Variants in HCN1 observed in about 807,000 individuals in gnomAD.
HCN1 encodes potassium/sodium hyperpolarization-activated cyclic nucleotide-gated channel 1.
A neutral mutation model predicts 78.9 loss-of-function variants in HCN1; 13 were observed. The ratio of observed to expected loss-of-function variants is 0.16; its 90% CI spans 0.11 to 0.26. HCN1 has a LOEUF of 0.26. HCN1 is among the 10% of genes least tolerant of loss of function. The pLI is 1.00. For synonymous variants in HCN1, 552 were observed against 455.5 expected (o/e 1.21, Z -2.70); for missense variants, 810 against 1,154.3 (o/e 0.70, Z 4.32).
intron 5 of HCN1, among the ~76,000 whole-genome samples, chr5:45,341,223 A>T (rs1746573581): frequency 6.6e-6 from 1 of 152,220 alleles, no homozygotes; most frequent in Admixed American, 6.5e-5. Context: ...CCATAACAGC[A>T]GATCATCTGC....
chr5:45,539,919 G>GATATAGAT (rs1554031760), intron 2 of HCN1, among the ~76,000 whole-genome samples: 2 of 126,106 alleles, frequency 1.6e-5, no homozygotes, highest in African/African-American at 6.7e-5. Flanking sequence ...TAAATTGTGA[G>GATATAGAT]ATATATATAT....
intron 2 of HCN1, among the ~76,000 whole-genome samples, chr5:45,511,633 C>T (rs1742417942): frequency 6.6e-6 from 1 of 152,080 alleles, no homozygotes; most frequent in South Asian, 2.1e-4. Context: ...TTTTATATAA[C>T]AGCTTCTTCA....
intron 2 of HCN1, among the ~76,000 whole-genome samples, chr5:45,578,363 A>C (rs959584203): frequency 1.3e-5 from 2 of 152,014 alleles, no homozygotes; most frequent in African/African-American, 4.8e-5. Flanking sequence ...CAGGCTTGAC[A>C]GTGAAATATG....
intron 2 of HCN1, among the ~76,000 whole-genome samples, chr5:45,569,382 C>T (rs1472792122): frequency 6.6e-6 from 1 of 152,026 alleles, no homozygotes; most frequent in East Asian, 1.9e-4. Context: ...AAAGGTTTTA[C>T]CCATGTAGAA....
intron 2 of HCN1, among the ~76,000 whole-genome samples, chr5:45,505,069 T>C (rs1401007423): frequency 1.3e-5 from 2 of 152,240 alleles, no homozygotes; most frequent in African/African-American, 2.4e-5. Flanking sequence ...ACTCTGATGG[T>C]AGTTTCTTTT....
At chr5:45,618,665 A>G (rs545572829) in intron 2 of HCN1, among the ~76,000 whole-genome samples, 1 of 152,168 alleles carries the variant, frequency 6.6e-6, no homozygotes, top group East Asian at 1.9e-4. Flanking sequence ...AACATTAATG[A>G]CTCAAGTCTA....
At chr5:45,642,257 C>G (rs1745470791) in intron 2 of HCN1, 1 of 152,150 alleles carries the variant, frequency 6.6e-6, no homozygotes, top group African/African-American at 2.4e-5. Context: ...TCCCTCCTCA[C>G]TTCTTAACAC....
intron 2 of HCN1, among the ~76,000 whole-genome samples, chr5:45,562,533 C>A (rs941890071): frequency 3.7e-5 from 3 of 80,692 alleles, no homozygotes; most frequent in African/African-American, 2.0e-4. Context: ...AACAAAAAAC[C>A]CTTAGGTAAA....
At chr5:45,271,987 T>G (rs1041720371) in intron 6 of HCN1, among the ~76,000 whole-genome samples, 1 of 152,114 alleles carries the variant, frequency 6.6e-6, no homozygotes, top group Non-Finnish European at 1.5e-5. Flanking sequence ...TTAAGAAGTA[T>G]GAAAAACACT....
chr5:45,400,969 T>G (rs1739785690), intron 3 of HCN1, among the ~76,000 whole-genome samples: 1 of 152,174 alleles, frequency 6.6e-6, no homozygotes. Flanking sequence ...AATCTGTTGT[T>G]CACATAACTA....
chr5:45,665,417 G>A (rs1374292988), intron 1 of HCN1, among the ~76,000 whole-genome samples: 2 of 151,718 alleles, frequency 1.3e-5, no homozygotes, highest in Admixed American at 6.6e-5. Flanking sequence ...CCTGCACATT[G>A]TGCACATGTA....
At chr5:45,310,640 T>C (rs1054084797) in intron 5 of HCN1, among the ~76,000 whole-genome samples, 1 of 152,128 alleles carries the variant, frequency 6.6e-6, no homozygotes, top group African/African-American at 2.4e-5. Flanking sequence ...AGAAATACCA[T>C]TCAACCCAGC....
chr5:45,467,797 C>T, intron 2 of HCN1, among the ~76,000 whole-genome samples: 1 of 152,004 alleles, frequency 6.6e-6, no homozygotes, highest in East Asian at 1.9e-4. Context: ...AGATTAACCC[C>T]CAAAGATTTA....
At chr5:45,334,388 C>G (rs1746408557) in intron 5 of HCN1, among the ~76,000 whole-genome samples, 1 of 151,772 alleles carries the variant, frequency 6.6e-6, no homozygotes, top group Non-Finnish European at 1.5e-5. Context: ...CCACTGAGGA[C>G]TTTTCAGTCT....
intron 5 of HCN1, among the ~76,000 whole-genome samples, chr5:45,346,273 A>G (rs976899381): frequency 6.6e-6 from 1 of 152,242 alleles, no homozygotes; most frequent in Non-Finnish European, 1.5e-5. Context: ...TTGGTAAAGA[A>G]GCTAAGACCA....
intron 1 of HCN1, among the ~76,000 whole-genome samples, chr5:45,686,563 A>G (rs1739812992): frequency 6.6e-6 from 1 of 152,176 alleles, no homozygotes; most frequent in African/African-American, 2.4e-5. Context: ...CCAAATAACC[A>G]TTAGGTACTG....
chr5:45,276,156 C>T (rs1579772515), intron 6 of HCN1, among the ~76,000 whole-genome samples: 1 of 152,188 alleles, frequency 6.6e-6, no homozygotes, highest in East Asian at 1.9e-4. Context: ...GGCAAGTCTA[C>T]TACAGCCTAA....
intron 2 of HCN1, among the ~76,000 whole-genome samples, chr5:45,557,762 A>G (rs1033722725): frequency 2.6e-5 from 4 of 152,092 alleles, no homozygotes; most frequent in African/African-American, 9.7e-5. Context: ...GGTGCCATGA[A>G]CTGCACTCAT....
At chr5:45,614,038 G>A (rs1003211518) in intron 2 of HCN1, among the ~76,000 whole-genome samples, 2 of 152,026 alleles carry the variant, frequency 1.3e-5, no homozygotes, top group Non-Finnish European at 2.9e-5. Flanking sequence ...TAGCAGGTCC[G>A]GAAAAATGAT....
Sources: gnomAD v4.1 joint callset for allele counts (sites outside exome capture counted in the v4.1 genomes callset) on GRCh38, gnomAD v4.1.1 for gene constraint, MANE v1.5 for transcripts, NCBI Gene and HGNC (gene_info 2026-07-23, HGNC 2026-07-21) for gene names.